Variants in IPO11 observed in about 807,000 individuals in gnomAD.
IPO11 encodes the protein importin-11.
Under a neutral mutation model 143.2 loss-of-function variants are expected in IPO11, and 66 were observed. The observed-to-expected ratio is 0.46, with a 90% CI of 0.38 to 0.57. IPO11 has a LOEUF of 0.57. IPO11 is among the 20% of genes least tolerant of loss of function. The pLI, the probability that IPO11 is intolerant of heterozygous loss-of-function variation, is 0.00. For missense variants in IPO11, 1,026 were observed against 1,141.0 expected, an observed-to-expected ratio of 0.90 and a Z score of 1.45; for synonymous variants, 385 against 377.8, an observed-to-expected ratio of 1.02 and a Z score of -0.22.
intron 24 of IPO11, among the ~76,000 whole-genome samples, chr5:62,545,754 A>G (rs1212047981): frequency 6.6e-6 from 1 of 152,230 alleles, no homozygotes; most frequent in African/African-American, 2.4e-5. Flanking sequence ...CAAATTTACA[A>G]GAAAAAAACA....
intron 16 of IPO11, among the ~76,000 whole-genome samples, chr5:62,500,860 G>A (rs995951175): frequency 1.3e-5 from 2 of 152,118 alleles, no homozygotes; most frequent in Non-Finnish European, 2.9e-5. Context: ...CAGCATCACC[G>A]CAAATGCATA....
intron 27 of IPO11, chr5:62,580,608 C>T (rs1460540954): frequency 1.3e-6 from 2 of 1,551,468 alleles, no homozygotes; most frequent in East Asian, 4.9e-5. Context: ...ATCCCCCATC[C>T]ATGCGTGGCA....
chr5:62,466,631 T>C (rs1745585489), intron 5 of IPO11, among the ~76,000 whole-genome samples: 1 of 152,292 alleles, frequency 6.6e-6, no homozygotes, highest in South Asian at 2.1e-4. Context: ...CAGCACACTT[T>C]AGTAAAGCAA....
chr5:62,621,410 C>A (rs1316460494), intron 29 of IPO11, among the ~76,000 whole-genome samples: 1 of 152,170 alleles, frequency 6.6e-6, no homozygotes, highest in Non-Finnish European at 1.5e-5. Context: ...TCTCAGGTTA[C>A]CACACAGGAA....
At chr5:62,471,362 T>G (rs1745767584) in intron 7 of IPO11, among the ~76,000 whole-genome samples, 1 of 152,144 alleles carries the variant, frequency 6.6e-6, no homozygotes, top group African/African-American at 2.4e-5. Flanking sequence ...GAGGTTTGAT[T>G]GAAGTAATTG....
At chr5:62,580,960 TC>T in intron 27 of IPO11, 1 of 1,551,212 alleles carries the variant, frequency 6.4e-7, no homozygotes, top group Non-Finnish European at 8.7e-7. Context: ...TGATGCTGCT[TC>T]AATGTCAGGG....
Position 62,551,246 on chromosome 5 carries a change from G to GT in IPO11, c.2371dup (p.Tyr791LeufsTer14). ...AGAGGTATCCTGTAGTGATGTCCAC[G>GT]TATCTTGGAGTTATGGGTCGAGTTC... On this transcript the variant is annotated frameshift_variant, in exon 26 of 30. Transcript: ENST00000325324. LOFTEE classifies it high-confidence loss of function. 6.2e-7 allele frequency: 1 copy of GT among 1,604,964 alleles called. No homozygotes were observed. The highest frequency in any genetic ancestry group is 1.1e-5 in the South Asian group (1 of 90,708).
intron 1 of IPO11, among the ~76,000 whole-genome samples, chr5:62,417,067 T>G: frequency 6.6e-6 from 1 of 151,996 alleles, no homozygotes; most frequent in African/African-American, 2.4e-5. Flanking sequence ...TATACGCTCC[T>G]TACCTTAGAT....
chr5:62,471,016 C>T (rs533095042), intron 7 of IPO11, among the ~76,000 whole-genome samples: 4 of 151,422 alleles, frequency 2.6e-5, no homozygotes, highest in Admixed American at 1.3e-4. Context: ...TTAGTAGAGA[C>T]GAAGTTTTAC....
rs770183057 is a variant in IPO11, at chr5:62,450,011, A to G, written c.312+12A>G. Reference sequence around the variant, plus strand: ...AACCAATAAACCAGGTTAGTGAGAAATGAATGCTAATTTTTCTTTTTATTT... The same window carrying G: ...AACCAATAAACCAGGTTAGTGAGAAGTGAATGCTAATTTTTCTTTTTATTT... On this transcript the variant is annotated intron_variant, in intron 4 of 29. Coordinates refer to ENST00000325324, the MANE Select transcript of IPO11 (RefSeq NM_016338.5). 6.4e-7 allele frequency: 1 copy of G among 1,553,472 alleles called. No individual in the cohort carries two copies. Among genetic ancestry groups the G allele is most frequent in the Non-Finnish European group, 8.7e-7 (1 of 1,145,130 alleles).
At chr5:62,611,322 CA>C (rs2112465341) in intron 29 of IPO11, among the ~76,000 whole-genome samples, 1 of 152,192 alleles carries the variant, frequency 6.6e-6, no homozygotes, top group East Asian at 1.9e-4. Context: ...AATAAAGATA[CA>C]AATTGATAAC....
chr5:62,568,540 C>T lies in IPO11; in HGVS notation c.2582+7283C>T, dbSNP rs555047726. ...AGTGGGTCGAGATTGTGCTACTGCA[C>T]TCCAACCTGGGCGACAGAGCAAGAC... is the stretch of plus-strand genomic sequence containing the variant. On this transcript the variant is annotated intron_variant, in intron 27 of 29. Coordinates refer to ENST00000325324, the MANE Select transcript of IPO11 (RefSeq NM_016338.5). Among the ~76,000 whole-genome samples the T allele has an allele frequency of 5.6e-3, 697 of 125,004 alleles. 2 individuals are homozygous for T. Among genetic ancestry groups the T allele is most frequent in the Non-Finnish European group, 8.2e-3 (527 of 64,346 alleles). 82.0% of individuals were successfully genotyped at this position (125,004 alleles called of 152,430 possible).
chr5:62,449,723 G>T, intron 3 of IPO11: 2 of 397,036 alleles, frequency 5.0e-6, no homozygotes. Context: ...GAACCAATTA[G>T]GGACAGTTGT....
rs1185962630 is a variant in IPO11, at chr5:62,559,926, AAAAAAAAAAAAAAAAAG to A, written c.2461-1208_2461-1192del. On this transcript the variant is annotated intron_variant, in intron 26 of 29. Transcript: ENST00000325324. ...ACTGAAACTCTGTCTCAAAAAAAAA[AAAAAAAAAAAAAAAAAG>A]AGAGAGAAAAACAACTCTTAATTTG... Among the ~76,000 whole-genome samples, 10 of 143,422 alleles carry A rather than the reference AAAAAAAAAAAAAAAAAG, an allele frequency of 7.0e-5. No individual in the cohort carries two copies. The Admixed American group carries it at 7.2e-4, about 10-fold the overall frequency. 94.1% of individuals were successfully genotyped at this position (143,422 alleles called of 152,430 possible). A position where few individuals can be genotyped will look rare whatever the true frequency, so the allele number is the denominator to read the frequency against.
intron 27 of IPO11, among the ~76,000 whole-genome samples, chr5:62,574,942 A>G (rs991760155): frequency 2.0e-5 from 3 of 152,242 alleles, no homozygotes; most frequent in African/African-American, 7.2e-5. Context: ...TCTCATGCAT[A>G]AAGTGCATAA....
At chr5:62,426,288 G>A (rs551261753) in intron 1 of IPO11, among the ~76,000 whole-genome samples, 1 of 152,198 alleles carries the variant, frequency 6.6e-6, no homozygotes, top group East Asian at 1.9e-4. Context: ...TTGGGAGGCT[G>A]AGGCAGGAGA....
chr5:62,512,612 A>ATT, intron 19 of IPO11: 17 of 482,824 alleles, frequency 3.5e-5, no homozygotes, highest in East Asian at 6.7e-5. Context: ...TTTTAATTTT[A>ATT]TTTTTTTTTT....
At chr5:62,413,916 A>T (rs189055774) in intron 1 of IPO11, among the ~76,000 whole-genome samples, 1 of 152,366 alleles carries the variant, frequency 6.6e-6, no homozygotes, top group African/African-American at 2.4e-5. Flanking sequence ...TCACTGAGGA[A>T]AATTTCGGTG....
chr5:62,547,724 C>T (rs1289879915), intron 24 of IPO11, among the ~76,000 whole-genome samples: 1 of 152,018 alleles, frequency 6.6e-6, no homozygotes, highest in African/African-American at 2.4e-5. Context: ...TCTAAGTACT[C>T]CCTTGCCACA....
Sources: gnomAD v4.1 joint callset for allele counts (sites outside exome capture counted in the v4.1 genomes callset) on GRCh38, gnomAD v4.1.1 for gene constraint, MANE v1.5 for transcripts, NCBI Gene and HGNC (gene_info 2026-07-23, HGNC 2026-07-21) for gene names.